The following KSR2 variants were observed in gnomAD, a reference collection of about 807,000 sequenced individuals.
KSR2 encodes the protein kinase suppressor of ras 2.
Under a neutral mutation model 107.8 loss-of-function variants are expected in KSR2, and 25 were observed. The observed-to-expected ratio is 0.23, with a 90% CI of 0.17 to 0.32. The LOEUF (loss-of-function observed/expected upper bound fraction) is 0.32. Among genes scored for constraint, KSR2 ranks in the 10% least tolerant of loss-of-function variants. KSR2 has a pLI of 1.00. For synonymous variants in KSR2, 480 were observed against 507.0 expected, an observed-to-expected ratio of 0.95 and a Z score of 0.71; for missense variants, 887 against 1,268.9, an observed-to-expected ratio of 0.70 and a Z score of 4.57.
intron 3 of KSR2, among the ~76,000 whole-genome samples, chr12:117,790,909 T>C (rs1278765147): frequency 1.3e-5 from 2 of 152,130 alleles, no homozygotes; most frequent in Admixed American, 1.3e-4. Flanking sequence ...TGCAGCAGCC[T>C]CCCAACTGGT....
In KSR2 at chr12:117,525,169, C is replaced by T; in HGVS notation, c.1902G>A (p.Glu634=). The change falls in exon 14 of 20, where the codon GAG becomes GAA. Residue 634 remains glutamate (E), a synonymous_variant. Transcript: ENST00000339824. The part of the protein sequence containing the change: ...EAEESEDDFE[E]MNLSLLSARS... ...GGGCCGAGAGGAGGGACAGGTTCAT[C>T]TCCTCGAAGTCATCCTCTGACTCTT... 6.2e-7 allele frequency: 1 copy of T among 1,613,780 alleles called. No individual in the cohort carries two copies. The highest frequency in any genetic ancestry group is 8.5e-7 in the Non-Finnish European group (1 of 1,179,744).
rs1200871486 is a variant in KSR2 at position 117,897,997 on chromosome 12, C to A, written c.181-37566G>T. On this transcript the variant is annotated intron_variant, in intron 1 of 19. Coordinates refer to ENST00000339824, the MANE Select transcript of KSR2 (RefSeq NM_173598.6). The surrounding 1 kb of genome is among the most constrained non-coding windows in gnomAD (Gnocchi z 4.5). Reference sequence around the variant, plus strand: ...GTATACTCTATCAGCAACCTAACACCACTCCCAGGTGACTTCCTGGCCAAT... The same window carrying A: ...GTATACTCTATCAGCAACCTAACACAACTCCCAGGTGACTTCCTGGCCAAT... Among the ~76,000 whole-genome samples the A allele has an allele frequency of 8.7e-4, 133 of 152,176 alleles. 1 individual carries two copies. The highest frequency in any genetic ancestry group is 7.4e-5 in the Non-Finnish European group (5 of 68,014).
intron 4 of KSR2, among the ~76,000 whole-genome samples, chr12:117,752,963 T>C (rs1177023046): frequency 1.3e-5 from 2 of 152,180 alleles, no homozygotes; most frequent in African/African-American, 4.8e-5. Flanking sequence ...GGGATGAAGA[T>C]CAAGATAACC....
chr12:117,697,935 TG>T (rs1367190982), intron 4 of KSR2, among the ~76,000 whole-genome samples: 1 of 151,998 alleles, frequency 6.6e-6, no homozygotes, highest in Non-Finnish European at 1.5e-5. Flanking sequence ...CCCATATGAC[TG>T]ATGTCCCTAT....
intron 1 of KSR2, among the ~76,000 whole-genome samples, chr12:117,890,568 T>G (rs892360858): frequency 6.6e-6 from 1 of 152,258 alleles, no homozygotes; most frequent in East Asian, 1.9e-4. Flanking sequence ...TAAAGCCTTT[T>G]GCAGGTTCTA....
chr12:117,589,627 C>G (rs1327966688), intron 5 of KSR2, among the ~76,000 whole-genome samples: 1 of 152,198 alleles, frequency 6.6e-6, no homozygotes, highest in Non-Finnish European at 1.5e-5. Flanking sequence ...TTTGGAGTCA[C>G]AGGCCAGTCA....
At chr12:117,656,987 T>TATATAATAGG (rs1884201267) in intron 5 of KSR2, among the ~76,000 whole-genome samples, 2,365 of 26,250 alleles carry the variant, frequency 0.09, 46 homozygotes, top group East Asian at 0.21. Context: ...ATAGGATATA[T>TATATAATAGG]ATATATATAT....
intron 1 of KSR2, among the ~76,000 whole-genome samples, chr12:117,942,941 C>T (rs1276362944): frequency 2.0e-5 from 3 of 152,016 alleles, no homozygotes; most frequent in Non-Finnish European, 2.9e-5. Context: ...TATGCTTTAC[C>T]GTATGCTGGA....
At chr12:117,771,614 T>C (rs1265595058) in intron 3 of KSR2, among the ~76,000 whole-genome samples, 2 of 152,190 alleles carry the variant, frequency 1.3e-5, no homozygotes, top group Non-Finnish European at 2.9e-5. Context: ...TCTAATTGCA[T>C]CGTTTCATTT....
At chr12:117,634,169 C>T (rs1464942119) in intron 5 of KSR2, among the ~76,000 whole-genome samples, 1 of 152,126 alleles carries the variant, frequency 6.6e-6, no homozygotes, top group Non-Finnish European at 1.5e-5. Context: ...CAAGGTCCAG[C>T]CTTGACCTCT....
intron 3 of KSR2, among the ~76,000 whole-genome samples, chr12:117,840,435 G>T (rs1264501316): frequency 1.3e-5 from 2 of 151,826 alleles, no homozygotes; most frequent in Admixed American, 6.6e-5. Flanking sequence ...TTGCTCTGTT[G>T]CCCAGGCTGG....
At chr12:117,896,845 A>T (rs899459973) in intron 1 of KSR2, among the ~76,000 whole-genome samples, 55 of 152,270 alleles carry the variant, frequency 3.6e-4, no homozygotes, top group African/African-American at 1.3e-3. Context: ...GTCATTTTTT[A>T]AAAATTCTCC....
At chr12:117,937,913 G>C (rs117038547) in intron 1 of KSR2, among the ~76,000 whole-genome samples, 1,747 of 145,678 alleles carry the variant, frequency 0.012, 25 homozygotes, top group Middle Eastern at 0.089. Context: ...AGGTTGCAGT[G>C]AGCCAAGACA....
At chr12:117,609,888 C>T (rs1243344079) in intron 5 of KSR2, among the ~76,000 whole-genome samples, 1 of 152,148 alleles carries the variant, frequency 6.6e-6, no homozygotes, top group Non-Finnish European at 1.5e-5. Context: ...AAAATCACTC[C>T]CAGTTGAAAA....
In KSR2 at chr12:117,749,480, G is replaced by GA. The variant is rs546275418; in HGVS notation, c.986+11530dup. On this transcript the variant is annotated intron_variant, in intron 4 of 19. Coordinates refer to ENST00000339824, the MANE Select transcript of KSR2 (RefSeq NM_173598.6). ...AGTCAAAGAACTCGATATACCATAG[G>GA]AAAAAAATCTCACCGTCATAATATC... Among the ~76,000 whole-genome samples the GA allele has an allele frequency of 6.2e-3, 935 of 151,604 alleles. 19 individuals are homozygous for GA. The highest frequency in any genetic ancestry group is 0.021 in the African/African-American group (888 of 41,400).
At chr12:117,805,336 T>C (rs1221696485) in intron 3 of KSR2, among the ~76,000 whole-genome samples, 2 of 152,198 alleles carry the variant, frequency 1.3e-5, no homozygotes, top group Non-Finnish European at 2.9e-5. Flanking sequence ...TGGCCTTCCC[T>C]GGTAACTTCT....
intron 10 of KSR2, among the ~76,000 whole-genome samples, chr12:117,534,241 A>T (rs1014151562): frequency 3.9e-5 from 6 of 152,160 alleles, no homozygotes; most frequent in Non-Finnish European, 7.3e-5. Context: ...TTCTCTGCCT[A>T]AACCTTTCAA....
intron 3 of KSR2, among the ~76,000 whole-genome samples, chr12:117,777,088 T>TA (rs1889713061): frequency 2.3e-5 from 3 of 132,548 alleles, no homozygotes; most frequent in East Asian, 2.1e-4. Context: ...TATATATATT[T>TA]TATATATATA....
intron 5 of KSR2, among the ~76,000 whole-genome samples, chr12:117,655,236 C>T (rs1336180689): frequency 6.6e-6 from 1 of 152,206 alleles, no homozygotes; most frequent in Non-Finnish European, 1.5e-5. Flanking sequence ...GCTTATCCAC[C>T]ACCATCATGG....
Sources: allele counts gnomAD v4.1 joint callset (sites outside exome capture counted in the v4.1 genomes callset), GRCh38; gene constraint gnomAD v4.1.1; non-coding constraint Gnocchi (gnomAD v3.1); transcripts MANE v1.5; gene names NCBI Gene and HGNC (gene_info 2026-07-23, HGNC 2026-07-21).